ARHGAP15: variants seen among roughly 807,000 people sequenced by gnomAD.
ARHGAP15 encodes the protein Rho GTPase activating protein 15, also known as rho GTPase-activating protein 15.
A neutral mutation model predicts 63.7 loss-of-function variants in ARHGAP15; 51 were observed. That is an observed-to-expected ratio of 0.80 (90% CI 0.64 to 1.01). The LOEUF is 1.01. Ranked by LOEUF, ARHGAP15 falls within the 50% of genes least tolerant of loss-of-function variation. The probability of loss-of-function intolerance (pLI) is 0.00; values close to 1 mark genes in which losing one functional copy is unlikely to be tolerated. For synonymous variants in ARHGAP15, 191 were observed against 193.8 expected (o/e 0.99, Z 0.12); for missense variants, 560 against 564.6 (o/e 0.99, Z 0.08).
At chr2:143,625,192 T>C (rs1412581843) in intron 12 of ARHGAP15, among the ~76,000 whole-genome samples, 2 of 152,140 alleles carry the variant, frequency 1.3e-5, no homozygotes, top group African/African-American at 4.8e-5. Context: ...ATTAAAATCC[T>C]AACGAGACAA....
chr2:143,624,512 TTAAC>T (rs1226590953), intron 12 of ARHGAP15, among the ~76,000 whole-genome samples: 3 of 152,138 alleles, frequency 2.0e-5, no homozygotes, highest in Non-Finnish European at 2.9e-5. Context: ...GGTAGCCAAT[TTAAC>T]TAAGTATCCT....
intron 10 of ARHGAP15, among the ~76,000 whole-genome samples, chr2:143,535,876 T>TACAA (rs1694731540): frequency 6.6e-6 from 1 of 152,240 alleles, no homozygotes; most frequent in Non-Finnish European, 1.5e-5. Flanking sequence ...GTTAGATATT[T>TACAA]CATAAATGTT....
At chr2:143,690,808 A>C (rs984156338) in intron 12 of ARHGAP15, among the ~76,000 whole-genome samples, 4 of 152,172 alleles carry the variant, frequency 2.6e-5, no homozygotes, top group Non-Finnish European at 4.4e-5. Context: ...TGCTCAAGTC[A>C]GCCTTTTTTT....
chr2:143,236,012 T>C (rs990621637), intron 5 of ARHGAP15: 2 of 1,537,750 alleles, frequency 1.3e-6, no homozygotes, highest in African/African-American at 2.8e-5. Flanking sequence ...TCTCCATTTT[T>C]GGTTAAACAA....
At chr2:143,344,273 T>C in intron 6 of ARHGAP15, 1 of 152,294 alleles carries the variant, frequency 6.6e-6, no homozygotes, top group Middle Eastern at 3.4e-3. Flanking sequence ...AAGCCTGATA[T>C]AACTAATGCA....
chr2:143,660,717 C>T (rs769679561), intron 12 of ARHGAP15, among the ~76,000 whole-genome samples: 11 of 152,148 alleles, frequency 7.2e-5, no homozygotes, highest in Non-Finnish European at 1.6e-4. Flanking sequence ...AAAGATTGGG[C>T]TTACCATACG....
intron 12 of ARHGAP15, among the ~76,000 whole-genome samples, chr2:143,684,088 T>TTTAA (rs1683222428): frequency 6.6e-6 from 1 of 152,122 alleles, no homozygotes; most frequent in South Asian, 2.1e-4. Context: ...TCCTAAAGAT[T>TTTAA]TTAATTGGAC....
intron 11 of ARHGAP15, among the ~76,000 whole-genome samples, chr2:143,562,507 ACT>A (rs1353591917): frequency 2.6e-5 from 4 of 151,932 alleles, no homozygotes; most frequent in Non-Finnish European, 5.9e-5. Context: ...AACGAAACAA[ACT>A]CTGTTATTCG....
chr2:143,588,021 C>T (rs958899114), intron 11 of ARHGAP15, among the ~76,000 whole-genome samples: 1 of 152,068 alleles, frequency 6.6e-6, no homozygotes, highest in African/African-American at 2.4e-5. Flanking sequence ...GAATTTTAGC[C>T]CTCTTCCTTC....
chr2:143,315,933 AAAATT>A (rs1683682997), intron 6 of ARHGAP15, among the ~76,000 whole-genome samples: 1 of 151,928 alleles, frequency 6.6e-6, no homozygotes, highest in African/African-American at 2.4e-5. Flanking sequence ...AAAAATACAA[AAAATT>A]AGCTGGGCGT....
At chr2:143,544,455 A>AAG (rs1272641510) in intron 10 of ARHGAP15, among the ~76,000 whole-genome samples, 2 of 152,230 alleles carry the variant, frequency 1.3e-5, no homozygotes, top group Non-Finnish European at 2.9e-5. Context: ...TCACAAGAGT[A>AAG]ATATATATGT....
chr2:143,524,932 AGTT>A (rs1184665292), intron 10 of ARHGAP15, among the ~76,000 whole-genome samples: 9 of 152,306 alleles, frequency 5.9e-5, no homozygotes, highest in Non-Finnish European at 1.0e-4. Flanking sequence ...CAAGCATTGT[AGTT>A]GTTAATATAA....
chr2:143,390,596 C>T (rs1233750060), intron 6 of ARHGAP15, among the ~76,000 whole-genome samples: 5 of 152,086 alleles, frequency 3.3e-5, no homozygotes, highest in Non-Finnish European at 5.9e-5. Flanking sequence ...CTCTGCCCCA[C>T]TCTCCGCTTC....
At chr2:143,384,531 T>C (rs1283017385) in intron 6 of ARHGAP15, among the ~76,000 whole-genome samples, 4 of 150,686 alleles carry the variant, frequency 2.7e-5, no homozygotes, top group Non-Finnish European at 5.9e-5. Flanking sequence ...GAAATAAATT[T>C]AACTCAGGCA....
intron 12 of ARHGAP15, among the ~76,000 whole-genome samples, chr2:143,637,514 G>A (rs1351385857): frequency 1.3e-5 from 2 of 151,930 alleles, no homozygotes; most frequent in South Asian, 2.1e-4. Flanking sequence ...CATAACAACA[G>A]GAGCTGGGAC....
intron 2 of ARHGAP15, among the ~76,000 whole-genome samples, chr2:143,175,352 A>G (rs1690972725): frequency 6.6e-6 from 1 of 152,178 alleles, no homozygotes; most frequent in Non-Finnish European, 1.5e-5. Flanking sequence ...CACAGATCAA[A>G]TGCTAAGTTT....
At chr2:143,197,584 C>T (rs914584650) in intron 2 of ARHGAP15, among the ~76,000 whole-genome samples, 1 of 151,850 alleles carries the variant, frequency 6.6e-6, no homozygotes, top group Non-Finnish European at 1.5e-5. Flanking sequence ...ACAATTAAGC[C>T]ATTTTGGATC....
chr2:143,660,239 C>T (rs1405088216), intron 12 of ARHGAP15, among the ~76,000 whole-genome samples: 1 of 152,184 alleles, frequency 6.6e-6, no homozygotes, highest in Non-Finnish European at 1.5e-5. Context: ...TACATTCCTC[C>T]TTCCTCCTCC....
chr2:143,439,171 C>T (rs1257370924), intron 8 of ARHGAP15, among the ~76,000 whole-genome samples: 1 of 151,784 alleles, frequency 6.6e-6, no homozygotes, highest in Non-Finnish European at 1.5e-5. Flanking sequence ...GCCTGTAATC[C>T]CAGCACTTTG....
Sources: gnomAD v4.1 joint callset for allele counts (sites outside exome capture counted in the v4.1 genomes callset) on GRCh38, gnomAD v4.1.1 for gene constraint, MANE v1.5 for transcripts, NCBI Gene and HGNC (gene_info 2026-07-23, HGNC 2026-07-21) for gene names.